The following PRKCI variants were observed in gnomAD, a reference collection of about 807,000 sequenced individuals.
PRKCI encodes protein kinase C iota type.
Under a neutral mutation model 84.0 loss-of-function variants are expected in PRKCI, and 43 were observed. The observed-to-expected ratio is 0.51, with a 90% CI of 0.40 to 0.66. The LOEUF (loss-of-function observed/expected upper bound fraction) is 0.66. PRKCI is among the 30% of genes least tolerant of loss of function. PRKCI has a pLI of 0.00. For missense variants in PRKCI, 459 were observed against 745.6 expected (o/e 0.62, Z 4.48); for synonymous variants, 216 against 234.4 (o/e 0.92, Z 0.72).
intron 2 of PRKCI, among the ~76,000 whole-genome samples, chr3:170,238,129 G>A (rs543149270): frequency 4.5e-4 from 69 of 152,244 alleles, no homozygotes; most frequent in African/African-American, 1.6e-3. Context: ...TTGGGAGGCC[G>A]AGGCGGGTGG....
intron 6 of PRKCI, among the ~76,000 whole-genome samples, chr3:170,271,628 T>G (rs1313707697): frequency 2.0e-5 from 3 of 152,228 alleles, no homozygotes; most frequent in African/African-American, 7.2e-5. Context: ...ATTTGTCATT[T>G]ACACTGTTGT....
At chr3:170,291,515 GGTGAAACCCT>G (rs1467362770) in intron 12 of PRKCI, 3 of 214,062 alleles carry the variant, frequency 1.4e-5, no homozygotes, top group Admixed American at 1.0e-4. Flanking sequence ...TGGCCAACAT[GGTGAAACCCT>G]GTCTCTACTA....
At chr3:170,298,508 G>A (rs1734740932) in intron 16 of PRKCI, among the ~76,000 whole-genome samples, 1 of 151,176 alleles carries the variant, frequency 6.6e-6, no homozygotes, top group Admixed American at 6.6e-5. Flanking sequence ...GGGTTCAAGC[G>A]ATTTCTCCTG....
intron 2 of PRKCI, among the ~76,000 whole-genome samples, chr3:170,236,885 GAAAA>G (rs1732992167): frequency 1.9e-4 from 27 of 145,204 alleles, no homozygotes; most frequent in African/African-American, 6.9e-4. Context: ...AAAAAAGAAA[GAAAA>G]AGGGAAAAAG....
At chr3:170,293,097 C>T (rs1461274070) in intron 13 of PRKCI, among the ~76,000 whole-genome samples, 4 of 151,218 alleles carry the variant, frequency 2.6e-5, no homozygotes, top group Admixed American at 2.6e-4. Context: ...TAATTATATC[C>T]TCAACACACA....
At chr3:170,269,975 G>A (rs1481515731) in intron 5 of PRKCI, among the ~76,000 whole-genome samples, 1 of 151,382 alleles carries the variant, frequency 6.6e-6, no homozygotes. Flanking sequence ...AAAAAAGAAA[G>A]AAAAGAAGAA....
chr3:170,302,179 C>G (rs566566178), intron 17 of PRKCI, among the ~76,000 whole-genome samples: 2 of 152,212 alleles, frequency 1.3e-5, no homozygotes, highest in African/African-American at 2.4e-5. Flanking sequence ...TCTTCAGCAT[C>G]ATCTAACACA....
chr3:170,298,867 G>T, intron 16 of PRKCI, 128 bp from the exon 17 acceptor site: 1 of 645,586 alleles, frequency 1.5e-6, no homozygotes, highest in East Asian at 3.0e-5. Flanking sequence ...GTTCATCATT[G>T]CTAATATCAT....
chr3:170,276,887 A>G (rs1734127852), intron 8 of PRKCI, among the ~76,000 whole-genome samples: 1 of 152,144 alleles, frequency 6.6e-6, no homozygotes, highest in African/African-American at 2.4e-5. Flanking sequence ...TATACATCCA[A>G]CAAAGATCTC....
intron 9 of PRKCI, 141 bp from the exon 10 acceptor site, chr3:170,281,025 A>T: frequency 3.4e-6 from 2 of 585,466 alleles, no homozygotes; most frequent in East Asian, 2.9e-5. Flanking sequence ...TTTGTATGTA[A>T]ATTTTCGTTT....
At chr3:170,257,279 T>G (rs1287219657) in intron 2 of PRKCI, among the ~76,000 whole-genome samples, 1 of 152,172 alleles carries the variant, frequency 6.6e-6, no homozygotes, top group East Asian at 1.9e-4. Flanking sequence ...AGTGGGCAAC[T>G]TTGTCAGGGA....
intron 1 of PRKCI, among the ~76,000 whole-genome samples, chr3:170,226,550 C>A (rs894448025): frequency 6.6e-6 from 1 of 152,090 alleles, no homozygotes; most frequent in Non-Finnish European, 1.5e-5. Flanking sequence ...TGTGAAAGTT[C>A]TTTTTAAACC....
intron 2 of PRKCI, among the ~76,000 whole-genome samples, chr3:170,251,309 T>C (rs1338140374): frequency 6.6e-6 from 1 of 152,106 alleles, no homozygotes; most frequent in Non-Finnish European, 1.5e-5. Flanking sequence ...AAATAAATGC[T>C]CAACAATAAA....
At chr3:170,270,720 G>A (rs903069878) in intron 6 of PRKCI, among the ~76,000 whole-genome samples, 159 bp downstream of exon 6, 8 of 152,046 alleles carry the variant, frequency 5.3e-5, no homozygotes, top group African/African-American at 1.9e-4. Context: ...TTAACACACC[G>A]TGAACTTTGG....
intron 1 of PRKCI, among the ~76,000 whole-genome samples, chr3:170,234,379 T>A (rs1430268526): frequency 1.3e-5 from 2 of 152,186 alleles, no homozygotes; most frequent in Admixed American, 1.3e-4. Flanking sequence ...AAAGTATTTG[T>A]ATGTTCTGAT....
intron 5 of PRKCI, among the ~76,000 whole-genome samples, chr3:170,268,815 G>A (rs1733927872): frequency 6.6e-6 from 1 of 152,174 alleles, no homozygotes; most frequent in Admixed American, 6.5e-5. Context: ...CAAGTGCAGG[G>A]CAGTAACTTG....
At chr3:170,233,813 T>C (rs1732866099) in intron 1 of PRKCI, among the ~76,000 whole-genome samples, 1 of 151,594 alleles carries the variant, frequency 6.6e-6, no homozygotes, top group Non-Finnish European at 1.5e-5. Context: ...CTCCGCCTCC[T>C]GGGTTCAAGC....
chr3:170,282,048 A>G, intron 11 of PRKCI, 80 bp downstream of exon 11: 4 of 1,422,142 alleles, frequency 2.8e-6, no homozygotes, highest in Non-Finnish European at 3.8e-6. Context: ...GAAACAGTAG[A>G]TAAATAATTT....
intron 1 of PRKCI, 48 bp from the exon 2 acceptor site, chr3:170,235,182 T>G: frequency 1.3e-6 from 2 of 1,570,476 alleles, no homozygotes; most frequent in Non-Finnish European, 1.7e-6. Flanking sequence ...ATATACAGCA[T>G]TATTATTTTT....
Sources: allele counts gnomAD v4.1 joint callset (sites outside exome capture counted in the v4.1 genomes callset), GRCh38; gene constraint gnomAD v4.1.1; transcripts MANE v1.5; gene names NCBI Gene and HGNC (gene_info 2026-07-23, HGNC 2026-07-21).